The following GREM2 variants were observed in gnomAD, a reference collection of about 807,000 sequenced individuals.
GREM2 encodes gremlin 2, DAN family BMP antagonist, also known as gremlin-2.
In GREM2, 11 loss-of-function variants were observed where a neutral mutation model predicts 14.2. The ratio of observed to expected loss-of-function variants is 0.78; its 90% CI spans 0.49 to 1.28. GREM2 has a LOEUF of 1.28. Ranked by LOEUF, GREM2 falls within the 50% of genes most tolerant of loss-of-function variation. The pLI, the probability that GREM2 is intolerant of heterozygous loss-of-function variation, is 0.00. For synonymous variants in GREM2, 98 were observed against 97.6 expected (o/e 1.00, Z -0.02); for missense variants, 210 against 218.5 (o/e 0.96, Z 0.24).
At chr1:240,576,492 T>C (rs1205342592) in intron 1 of GREM2, among the ~76,000 whole-genome samples, 2 of 152,332 alleles carry the variant, frequency 1.3e-5, no homozygotes, top group South Asian at 2.1e-4. Flanking sequence ...ATCATAGCTT[T>C]GGTTTGGTTT....
At chr1:240,524,265 G>A (rs1385001807) in intron 1 of GREM2, among the ~76,000 whole-genome samples, 2 of 152,150 alleles carry the variant, frequency 1.3e-5, no homozygotes, top group African/African-American at 4.8e-5. Context: ...CTCCCATCTT[G>A]GCCTTCCAAA....
intron 1 of GREM2, among the ~76,000 whole-genome samples, chr1:240,595,285 T>C (rs1454108623): frequency 2.0e-5 from 3 of 152,142 alleles, no homozygotes; most frequent in Non-Finnish European, 4.4e-5. Context: ...TGAGCCAAGA[T>C]TGCGCCACTG....
chr1:240,515,201 A>G (rs1677927700), intron 1 of GREM2, among the ~76,000 whole-genome samples: 1 of 152,188 alleles, frequency 6.6e-6, no homozygotes, highest in African/African-American at 2.4e-5. Context: ...GTGATGTGCA[A>G]TTGTGCCATT....
intron 1 of GREM2, among the ~76,000 whole-genome samples, chr1:240,567,898 C>T (rs1679197705): frequency 6.6e-6 from 1 of 152,130 alleles, no homozygotes; most frequent in Non-Finnish European, 1.5e-5. Context: ...CACTTGAGGC[C>T]AGGAGTTTGA....
intron 1 of GREM2, among the ~76,000 whole-genome samples, chr1:240,496,090 C>A (rs1677407188): frequency 6.6e-6 from 1 of 152,046 alleles, no homozygotes; most frequent in Admixed American, 6.6e-5. Context: ...GCGCGCGCCA[C>A]CAGGCCCAGC....
intron 1 of GREM2, among the ~76,000 whole-genome samples, chr1:240,555,521 AAGTC>A (rs1242724769): frequency 1.3e-5 from 2 of 152,254 alleles, no homozygotes; most frequent in Non-Finnish European, 2.9e-5. Flanking sequence ...GTTTAGGACA[AAGTC>A]AGAGCCAAAT....
At chr1:240,513,454 A>G (rs1677881403) in intron 1 of GREM2, among the ~76,000 whole-genome samples, 1 of 151,988 alleles carries the variant, frequency 6.6e-6, no homozygotes, top group Admixed American at 6.6e-5. Flanking sequence ...ATGCGACTGT[A>G]GTCCCAGCTA....
intron 1 of GREM2, among the ~76,000 whole-genome samples, chr1:240,498,525 C>T (rs548042957): frequency 3.9e-5 from 6 of 152,300 alleles, no homozygotes; most frequent in South Asian, 4.1e-4. Flanking sequence ...CAACTGCTAA[C>T]GGCACCTACA....
rs540941757 is a variant in GREM2 at position 240,489,894 on chromosome 1, A to G, written c.*3075T>C. The G allele has an allele frequency of 6.6e-6, 1 of 152,334 alleles. No individual in the cohort carries two copies. The highest frequency in any genetic ancestry group is 2.4e-5 in the African/African-American group (1 of 41,582). 9.4% of individuals were successfully genotyped at this position (152,334 alleles called of 1,614,324 possible). ...TGTCCCATTTAATAAACTAAGATGAATTATTTCCTAGGAAGTTGAGTTTAA... is the reference window on the plus strand; with the variant it reads ...TGTCCCATTTAATAAACTAAGATGAGTTATTTCCTAGGAAGTTGAGTTTAA... On this transcript the variant is annotated 3_prime_UTR_variant, in exon 2 of 2. Coordinates refer to ENST00000318160, the MANE Select transcript of GREM2 (RefSeq NM_022469.4).
intron 1 of GREM2, among the ~76,000 whole-genome samples, chr1:240,597,545 G>T (rs1679845023): frequency 6.6e-6 from 1 of 152,142 alleles, no homozygotes; most frequent in Non-Finnish European, 1.5e-5. Context: ...TTACTCAAAG[G>T]TCACCTTTAA....
chr1:240,532,511 A>C (rs1678383482), intron 1 of GREM2, among the ~76,000 whole-genome samples: 1 of 152,210 alleles, frequency 6.6e-6, no homozygotes, highest in Admixed American at 6.5e-5. Flanking sequence ...TTTCTAACTA[A>C]AAGACTAATC....
intron 1 of GREM2, among the ~76,000 whole-genome samples, chr1:240,578,211 T>C (rs1173604579): frequency 6.6e-6 from 1 of 152,124 alleles, no homozygotes; most frequent in African/African-American, 2.4e-5. Context: ...CTGCAACCTC[T>C]GCCTCCTGGG....
At chr1:240,575,814 C>T (rs2103370789) in intron 1 of GREM2, among the ~76,000 whole-genome samples, 1 of 151,662 alleles carries the variant, frequency 6.6e-6, no homozygotes, top group Non-Finnish European at 1.5e-5. Flanking sequence ...AGCCACCGTG[C>T]CCAGCACAAG....
chr1:240,552,117 G>T (rs74149163), intron 1 of GREM2, among the ~76,000 whole-genome samples: 9,289 of 152,108 alleles, frequency 0.061, 787 homozygotes, highest in African/African-American at 0.19. Context: ...GTAATATTAC[G>T]ATCCTTGGGT....
At chr1:240,557,770 T>C (rs904954020) in intron 1 of GREM2, among the ~76,000 whole-genome samples, 3 of 150,478 alleles carry the variant, frequency 2.0e-5, no homozygotes, top group Non-Finnish European at 4.4e-5. Context: ...GGTGAAGAGA[T>C]CCAAGATGGC....
intron 1 of GREM2, among the ~76,000 whole-genome samples, chr1:240,535,748 G>A (rs529082581): frequency 6.2e-5 from 9 of 145,622 alleles, no homozygotes; most frequent in East Asian, 4.0e-4. Context: ...GCAGTGAGCC[G>A]AGATTGTGCC....
At chr1:240,586,613 C>G (rs1307787805) in intron 1 of GREM2, among the ~76,000 whole-genome samples, 2 of 152,118 alleles carry the variant, frequency 1.3e-5, no homozygotes, top group Non-Finnish European at 2.9e-5. Context: ...GAACCAGGCT[C>G]CCAACCCCAA....
intron 1 of GREM2, among the ~76,000 whole-genome samples, chr1:240,611,479 C>T (rs964638499): frequency 2.0e-5 from 3 of 152,074 alleles, no homozygotes; most frequent in Non-Finnish European, 4.4e-5. Context: ...GGATATTAAC[C>T]TGGTAGGTAG....
chr1:240,547,514 AAT>A (rs71170756), intron 1 of GREM2, among the ~76,000 whole-genome samples: 45,415 of 101,506 alleles, frequency 0.45, 11,366 homozygotes, highest in Middle Eastern at 0.54. Context: ...AAAAAAAAAA[AAT>A]ATATATATAT....
Sources: gnomAD v4.1 joint callset for allele counts (sites outside exome capture counted in the v4.1 genomes callset) on GRCh38, gnomAD v4.1.1 for gene constraint, MANE v1.5 for transcripts, NCBI Gene and HGNC (gene_info 2026-07-23, HGNC 2026-07-21) for gene names.